The following EOGT variants were observed in gnomAD, a reference collection of about 807,000 sequenced individuals.
The protein encoded by EOGT is EGF domain specific O-linked N-acetylglucosamine transferase.
Under a neutral mutation model 70.5 loss-of-function variants are expected in EOGT, and 55 were observed. That is an observed-to-expected ratio of 0.78 (90% CI 0.63 to 0.98). The LOEUF is 0.98. Ranked by LOEUF, EOGT falls within the 50% of genes least tolerant of loss-of-function variation. The pLI, the probability that EOGT is intolerant of heterozygous loss-of-function variation, is 0.00. For missense variants in EOGT, 703 were observed against 641.9 expected (o/e 1.10, Z -1.03); for synonymous variants, 246 against 217.1 (o/e 1.13, Z -1.17).
rs1034759751 is a variant in EOGT, at chr3:68,989,044, T to A, written c.832-27A>T. 9.0e-6 allele frequency: 12 copies of A among 1,339,074 alleles called. No homozygotes were observed. In the Admixed American group the frequency reaches 2.5e-4, roughly 28 times the overall value. 82.9% of individuals were successfully genotyped at this position (1,339,074 alleles called of 1,614,324 possible). The stretch of plus-strand genomic sequence containing the variant: ...TGAAAGTAGAAACAAAACAAGGTTT[T>A]AGGGCAATAAAAGGATATAACATGA... On this transcript the variant is annotated intron_variant, in intron 10 of 17. Transcript: ENST00000383701.
Position 69,001,661 on chromosome 3 carries a change from G to C in EOGT, c.674C>G (p.Ala225Gly). 1.9e-6 allele frequency: 3 copies of C among 1,611,084 alleles called. No homozygotes were observed. The highest frequency in any genetic ancestry group is 2.5e-6 in the Non-Finnish European group (3 of 1,179,066). ...TTTTTCAATGACAATGTCACATTTA[G>C]CATCTTCTATAGGTCTGAAGTTGAG... ...TQLNFRPIED[A>G]KCDIVIEKPT... Residue 225 changes from alanine (A) to glycine (G), a missense_variant, in exon 9 of 18, where the codon GCT (alanine) becomes GGT (glycine). Coordinates refer to ENST00000383701, the MANE Select transcript of EOGT (RefSeq NM_001278689.2).
Position 69,009,770 on chromosome 3 carries a change from GTAT to G in EOGT, c.74_76del (p.Asn25del). 1.2e-6 allele frequency: 2 copies of G among 1,614,012 alleles called. No individual in the cohort carries two copies. The highest frequency in any genetic ancestry group is 1.7e-6 in the Non-Finnish European group (2 of 1,179,948). On this transcript the variant is annotated inframe_deletion, in exon 4 of 18. Transcript: ENST00000383701. ...CAGAGGTTCGCCTGGAATGCTGTGA[GTAT>G]TAGGAGGAGCTTCATTCTGACCACT...
At chr3:68,991,901 T>C (rs935549053) in intron 10 of EOGT, among the ~76,000 whole-genome samples, 12 of 151,888 alleles carry the variant, frequency 7.9e-5, no homozygotes, top group Admixed American at 5.9e-4. Flanking sequence ...CAAGAGAAAA[T>C]GAGGAAGAAG....
chr3:68,993,279 C>T (rs2091048053), intron 10 of EOGT, among the ~76,000 whole-genome samples: 1 of 152,174 alleles, frequency 6.6e-6, no homozygotes, highest in Non-Finnish European at 1.5e-5. Flanking sequence ...GCACCCAAAT[C>T]ACCTTTTGAA....
At chr3:68,999,441 G>C (rs1362499919) in intron 9 of EOGT, among the ~76,000 whole-genome samples, 1 of 152,186 alleles carries the variant, frequency 6.6e-6, no homozygotes, top group Non-Finnish European at 1.5e-5. Flanking sequence ...CTGACACTTA[G>C]AGCATGCATT....
rs189433269 is a variant in EOGT at position 68,993,790 on chromosome 3, G to C, written c.831+4221C>G. On this transcript the variant is annotated intron_variant, in intron 10 of 17. Coordinates refer to ENST00000383701, the MANE Select transcript of EOGT (RefSeq NM_001278689.2). Reference sequence around the variant, plus strand: ...CTGGGGAGGCCTCAGAATCATAGTGGGAGGTAAAGGCACTTCTTACATGGT... The same window carrying C: ...CTGGGGAGGCCTCAGAATCATAGTGCGAGGTAAAGGCACTTCTTACATGGT... 5.9e-5 allele frequency among the ~76,000 whole-genome samples: 9 copies of C among 152,294 alleles called. No homozygotes were observed. In the East Asian group the frequency reaches 9.7e-4, roughly 16 times the overall value.
intron 15 of EOGT, among the ~76,000 whole-genome samples, chr3:68,980,116 T>TA (rs2090596231): frequency 6.6e-6 from 1 of 152,026 alleles, no homozygotes; most frequent in South Asian, 2.1e-4. Context: ...TCAAACTAAG[T>TA]AGTGTTCAAA....
At chr3:68,989,909 C>T (rs967843055) in intron 10 of EOGT, among the ~76,000 whole-genome samples, 1 of 152,028 alleles carries the variant, frequency 6.6e-6, no homozygotes, top group East Asian at 1.9e-4. Context: ...CCATATACTC[C>T]AGCCTGGGCA....
intron 8 of EOGT, among the ~76,000 whole-genome samples, chr3:69,003,084 T>C (rs1433896265): frequency 1.3e-5 from 2 of 152,142 alleles, no homozygotes; most frequent in African/African-American, 2.4e-5. Flanking sequence ...CTGATTGTGG[T>C]GGTCGCCCTC....
At chr3:68,992,133 C>T (rs1276039290) in intron 10 of EOGT, among the ~76,000 whole-genome samples, 3 of 152,144 alleles carry the variant, frequency 2.0e-5, no homozygotes, top group African/African-American at 7.2e-5. Flanking sequence ...CGTGTCCCCA[C>T]ATTTCAAAAC....
At chr3:68,986,424 T>G (rs1254344147) in intron 14 of EOGT, among the ~76,000 whole-genome samples, 3 of 152,000 alleles carry the variant, frequency 2.0e-5, no homozygotes, top group Non-Finnish European at 4.4e-5. Flanking sequence ...ATAAAATCCC[T>G]CTCCCACCAA....
Position 68,989,048 on chromosome 3 carries a change from G to T in EOGT, c.832-31C>A, listed in dbSNP as rs892032976. On this transcript the variant is annotated intron_variant, in intron 10 of 17. Transcript: ENST00000383701. ...AGTAGAAACAAAACAAGGTTTTAGG[G>T]CAATAAAAGGATATAACATGACTTT... 2.2e-5 allele frequency: 28 copies of T among 1,282,710 alleles called. No individual in the cohort carries two copies. The Admixed American group carries it at 5.9e-4, about 27-fold the overall frequency. 79.5% of individuals were successfully genotyped at this position (1,282,710 alleles called of 1,614,324 possible).
intron 3 of EOGT, among the ~76,000 whole-genome samples, chr3:69,010,899 G>A (rs765101639): frequency 4.6e-5 from 7 of 152,190 alleles, no homozygotes; most frequent in Non-Finnish European, 8.8e-5. Flanking sequence ...CAGCAATGAA[G>A]GTGCAGTCAC....
rs186656351 is a variant in EOGT at position 69,001,859 on chromosome 3, T to A, written c.621-145A>T. ...ATGGACACCTGTAACTTCTAAAACT[T>A]ACTGACTTTTATATAGGTTGATATC... On this transcript the variant is annotated intron_variant, in intron 8 of 17. Transcript: ENST00000383701. 9.6e-4 allele frequency: 595 copies of A among 619,386 alleles called. 1 individual carries two copies. Among genetic ancestry groups the A allele is most frequent in the Non-Finnish European group, 1.4e-3 (497 of 355,640 alleles). 38.4% of individuals were successfully genotyped at this position (619,386 alleles called of 1,614,324 possible).
rs527256891 is a variant in EOGT at position 68,977,760 on chromosome 3, T to C, written c.1442A>G (p.His481Arg). 2.9e-5 allele frequency: 47 copies of C among 1,609,442 alleles called. No homozygotes were observed. The South Asian group carries it at 5.0e-4, about 17-fold the overall frequency. ...QNKVFPQDKG[H>R]HPTLGEHPKF... ...CGGGTGCTCCCCCAGGGTTGGATGG[T>C]GGCCCTGTGAAAATAAACCAAAACA... is the stretch of plus-strand genomic sequence containing the variant. Residue 481 changes from histidine to arginine, a missense_variant, in exon 18 of 18, where the codon CAC becomes CGC. Transcript: ENST00000383701.
rs759321842 is a variant in EOGT, at chr3:68,987,494, G to A, written c.1103C>T (p.Thr368Ile). 6.2e-7 allele frequency: 1 copy of A among 1,613,864 alleles called. No individual in the cohort carries two copies. The highest frequency in any genetic ancestry group is 8.5e-7 in the Non-Finnish European group (1 of 1,179,848). ...EGPKDGKIRV[T>I]ILARSTEYRK... ...GTATTCTGTGCTCCGTGCAAGAATGGTGACTCGAATTTTTCCATCCTGTAA... is the reference window on the plus strand; with the variant it reads ...GTATTCTGTGCTCCGTGCAAGAATGATGACTCGAATTTTTCCATCCTGTAA... Residue 368 changes from threonine to isoleucine, a missense_variant, in exon 14 of 18, where the codon ACC (threonine) becomes ATC (isoleucine). By Grantham distance (89) the Thr-to-Ile change is moderately conservative. Coordinates refer to ENST00000383701, the MANE Select transcript of EOGT (RefSeq NM_001278689.2).
rs886344889 is a variant in EOGT, at chr3:68,976,844, T to C, written c.*774A>G. ...TTACAAATTCTAAAGCTGAAAAAGT[T>C]GAAAACTTTGGTATTCCTAAAAAGA... On this transcript the variant is annotated 3_prime_UTR_variant, in exon 18 of 18. Coordinates refer to ENST00000383701, the MANE Select transcript of EOGT (RefSeq NM_001278689.2). 1.3e-5 allele frequency: 2 copies of C among 152,632 alleles called. No individual in the cohort carries two copies. The highest frequency in any genetic ancestry group is 4.8e-5 in the African/African-American group (2 of 41,458). 9.5% of individuals were successfully genotyped at this position (152,632 alleles called of 1,614,324 possible).
intron 10 of EOGT, among the ~76,000 whole-genome samples, chr3:68,994,621 G>C (rs1211794355): frequency 3.9e-5 from 6 of 152,060 alleles, no homozygotes; most frequent in African/African-American, 9.7e-5. Flanking sequence ...GTGAAACCCT[G>C]TCTCTACTAA....
chr3:69,007,843 C>A, intron 5 of EOGT, 22 bp from the exon 6 acceptor site: 2 of 1,542,108 alleles, frequency 1.3e-6, no homozygotes, highest in South Asian at 2.4e-5. Flanking sequence ...TAAAAATATT[C>A]TGTGTTTTTT....
Sources: gnomAD v4.1 joint callset for allele counts (sites outside exome capture counted in the v4.1 genomes callset) on GRCh38, gnomAD v4.1.1 for gene constraint, MANE v1.5 for transcripts, NCBI Gene and HGNC (gene_info 2026-07-23, HGNC 2026-07-21) for gene names.